PRKAG2: variants seen among roughly 807,000 people sequenced by gnomAD.
PRKAG2 encodes 5'-AMP-activated protein kinase subunit gamma-2.
A neutral mutation model predicts 69.6 loss-of-function variants in PRKAG2; 26 were observed. The ratio of observed to expected loss-of-function variants is 0.37; its 90% CI spans 0.27 to 0.52. The LOEUF (loss-of-function observed/expected upper bound fraction) is 0.52, where lower values mean the gene tolerates loss of function less well. Among genes scored for constraint, PRKAG2 ranks in the 20% least tolerant of loss-of-function variants. PRKAG2 has a pLI of 0.90. For synonymous variants in PRKAG2, 293 were observed against 285.0 expected (o/e 1.03, Z -0.28); for missense variants, 557 against 740.0 (o/e 0.75, Z 2.87).
chr7:151,694,910 GC>G (rs1295613207), intron 3 of PRKAG2, among the ~76,000 whole-genome samples: 2 of 152,254 alleles, frequency 1.3e-5, no homozygotes, highest in Admixed American at 6.5e-5. Context: ...TCCTGGGGAT[GC>G]CCCAGTCCCT....
intron 3 of PRKAG2, among the ~76,000 whole-genome samples, chr7:151,746,716 G>A (rs890034077): frequency 5.3e-5 from 8 of 152,190 alleles, no homozygotes; most frequent in African/African-American, 7.2e-5. Context: ...CTCCTGGGAC[G>A]GCTGCTGGGC....
At chr7:151,858,121 C>G (rs1368566911) in intron 1 of PRKAG2, among the ~76,000 whole-genome samples, 1 of 152,228 alleles carries the variant, frequency 6.6e-6, no homozygotes, top group African/African-American at 2.4e-5. Context: ...TCAGCTACAT[C>G]CACCAATGAT....
chr7:151,689,383 C>A (rs544689693), intron 3 of PRKAG2, among the ~76,000 whole-genome samples: 7 of 152,184 alleles, frequency 4.6e-5, no homozygotes, highest in Non-Finnish European at 7.3e-5. Flanking sequence ...TTTCAGTCAC[C>A]ATCCCCTCCT....
At chr7:151,642,821 T>C (rs1826949312) in intron 4 of PRKAG2, among the ~76,000 whole-genome samples, 1 of 152,252 alleles carries the variant, frequency 6.6e-6, no homozygotes, top group Non-Finnish European at 1.5e-5. Context: ...GGATTCTCTA[T>C]GTTAAATTAT....
At chr7:151,744,263 C>T (rs964153599) in intron 3 of PRKAG2, among the ~76,000 whole-genome samples, 12 of 152,224 alleles carry the variant, frequency 7.9e-5, no homozygotes, top group African/African-American at 2.9e-4. Context: ...CCCACGGCAT[C>T]GGGGAAGTGC....
intron 5 of PRKAG2, among the ~76,000 whole-genome samples, chr7:151,606,494 T>C (rs372639866): frequency 1.3e-5 from 2 of 152,118 alleles, no homozygotes; most frequent in Admixed American, 6.6e-5. Context: ...CCCACCCAAA[T>C]TGTTCAACAA....
chr7:151,561,932 TAA>T (rs59146140), intron 14 of PRKAG2, among the ~76,000 whole-genome samples: 30 of 81,720 alleles, frequency 3.7e-4, no homozygotes, highest in East Asian at 4.2e-4. Context: ...GACTGTGTCT[TAA>T]AAAAAAAAAA....
At chr7:151,600,663 G>C (rs1815827362) in intron 5 of PRKAG2, among the ~76,000 whole-genome samples, 2 of 152,086 alleles carry the variant, frequency 1.3e-5, no homozygotes, top group African/African-American at 4.8e-5. Context: ...TTATTTCCCA[G>C]CTCCTGGTTT....
At chr7:151,813,035 C>G (rs1229430841) in intron 1 of PRKAG2, among the ~76,000 whole-genome samples, 1 of 152,020 alleles carries the variant, frequency 6.6e-6, no homozygotes, top group Admixed American at 6.5e-5. Flanking sequence ...ACCCCCAGAC[C>G]TAAGAGGCCC....
chr7:151,751,500 ATTAT>A (rs111268091), intron 3 of PRKAG2, among the ~76,000 whole-genome samples: 1 of 150,120 alleles, frequency 6.7e-6, no homozygotes, highest in Non-Finnish European at 1.5e-5. Context: ...TACTCTATTT[ATTAT>A]TTATTTATTT....
chr7:151,596,942 A>G (rs950755319), intron 5 of PRKAG2, among the ~76,000 whole-genome samples: 2 of 152,200 alleles, frequency 1.3e-5, no homozygotes, highest in Non-Finnish European at 2.9e-5. Context: ...TAACATTTGT[A>G]TAGAACCACA....
chr7:151,632,143 G>C lies in PRKAG2; in HGVS notation c.685-5C>G. On this transcript the variant is annotated splice_region_variant and splice_polypyrimidine_tract_variant and intron_variant, in intron 4 of 15. Coordinates refer to ENST00000287878, the MANE Select transcript of PRKAG2 (RefSeq NM_016203.4). This position sits in a 1 kb window ranked among gnomAD's most constrained non-coding sequence, Gnocchi z 4.2. The stretch of plus-strand genomic sequence containing the variant: ...CAGGGCCGCCGCCAGCGCCGCCTGA[G>C]GGGGAGGAGGAGGACAGCGATCAGC... The C allele has an allele frequency of 1.4e-6, 2 of 1,394,616 alleles. No individual in the cohort carries two copies. The highest frequency in any genetic ancestry group is 1.9e-6 in the Non-Finnish European group (2 of 1,060,622). 86.4% of individuals were successfully genotyped at this position (1,394,616 alleles called of 1,614,324 possible).
intron 3 of PRKAG2, among the ~76,000 whole-genome samples, chr7:151,734,848 C>CTTTTTTTTTTT (rs35008070): frequency 1.1e-5 from 1 of 90,082 alleles, no homozygotes; most frequent in Non-Finnish European, 1.9e-5. Context: ...AAATCTGATT[C>CTTTTTTTTTTT]TTTTTTTTTT....
intron 2 of PRKAG2, among the ~76,000 whole-genome samples, chr7:151,783,651 T>C (rs947887540): frequency 1.3e-5 from 2 of 151,922 alleles, no homozygotes; most frequent in Non-Finnish European, 2.9e-5. Context: ...CAGGGGGTGG[T>C]GTCTCACACC....
chr7:151,736,590 T>G (rs1328816778), intron 3 of PRKAG2, among the ~76,000 whole-genome samples: 1 of 152,152 alleles, frequency 6.6e-6, no homozygotes, highest in East Asian at 1.9e-4. Flanking sequence ...ACAACTATTT[T>G]GATTCATGGG....
chr7:151,782,339 A>AGGGAAGGAAGGAGGGAGGGAG (rs2076733180), intron 2 of PRKAG2, among the ~76,000 whole-genome samples: 1 of 25,348 alleles, frequency 3.9e-5, no homozygotes, highest in African/African-American at 1.2e-4. Context: ...GAAGGAAGGA[A>AGGGAAGGAAGGAGGGAGGGAG]GGAGGGAGGG....
At chr7:151,618,453 C>CAAAATAAAAT (rs540092141) in intron 5 of PRKAG2, among the ~76,000 whole-genome samples, 9 of 148,542 alleles carry the variant, frequency 6.1e-5, no homozygotes, top group African/African-American at 2.3e-4. Context: ...GACTCCGTCT[C>CAAAATAAAAT]AAAATAAAAT....
At chr7:151,842,841 T>C (rs1458291160) in intron 1 of PRKAG2, among the ~76,000 whole-genome samples, 1 of 151,824 alleles carries the variant, frequency 6.6e-6, no homozygotes, top group Non-Finnish European at 1.5e-5. Flanking sequence ...ACAATTCTGA[T>C]TGTGAAGGCT....
At chr7:151,696,347 T>C (rs772681732) in intron 3 of PRKAG2, among the ~76,000 whole-genome samples, 51 of 151,806 alleles carry the variant, frequency 3.4e-4, no homozygotes, top group Non-Finnish European at 7.1e-4. Context: ...ATCAGGAGAG[T>C]ATGGGGTTCC....
Sources: allele counts gnomAD v4.1 joint callset (sites outside exome capture counted in the v4.1 genomes callset), GRCh38; gene constraint gnomAD v4.1.1; non-coding constraint Gnocchi (gnomAD v3.1); transcripts MANE v1.5; gene names NCBI Gene and HGNC (gene_info 2026-07-23, HGNC 2026-07-21).